Variants in KARS1 observed in about 807,000 individuals in gnomAD.
The protein encoded by KARS1 is lysine--tRNA ligase.
Under a neutral mutation model 63.9 loss-of-function variants are expected in KARS1, and 50 were observed. The observed-to-expected ratio is 0.78, with a 90% CI of 0.62 to 0.99. KARS1 has a LOEUF of 0.99. Among genes scored for constraint, KARS1 ranks in the 50% least tolerant of loss-of-function variants. The pLI is 0.00. For missense variants in KARS1, 816 were observed against 754.5 expected (o/e 1.08, Z -0.95); for synonymous variants, 320 against 264.6 (o/e 1.21, Z -2.03).
Position 75,629,490 on chromosome 16 carries a change from C to T in KARS1, c.1476G>A (p.Lys492=), listed in dbSNP as rs376962917. The change falls in exon 12 of 14, where the codon AAG becomes AAA. Residue 492 remains lysine (K), a synonymous_variant. Coordinates refer to ENST00000302445, the MANE Select transcript of KARS1 (RefSeq NM_005548.3). ...CAGTATACGCATTGCATATCTCTTTCTTCATGACAAACAGCTCAAAGCGCT... is the reference window on the plus strand; with the variant it reads ...CAGTATACGCATTGCATATCTCTTTTTTCATGACAAACAGCTCAAAGCGCT... ...LTERFELFVM[K]KEICNAYTEL... The T allele has an allele frequency of 3.5e-5, 56 of 1,614,084 alleles. No individual in the cohort carries two copies. The highest frequency in any genetic ancestry group is 4.7e-5 in the Non-Finnish European group (55 of 1,180,020).
intron 7 of KARS1, among the ~76,000 whole-genome samples, chr16:75,633,226 T>C (rs1430040855): frequency 6.6e-6 from 1 of 152,076 alleles, no homozygotes; most frequent in Non-Finnish European, 1.5e-5. Context: ...CAAATACACC[T>C]CTCTTGGTGT....
rs111679674 is a variant in KARS1, at chr16:75,627,862, C to T, written c.*33G>A. On this transcript the variant is annotated 3_prime_UTR_variant, in exon 14 of 14. Coordinates refer to ENST00000302445, the MANE Select transcript of KARS1 (RefSeq NM_005548.3). Reference sequence around the variant, plus strand: ...TTGATCTTTCGCAGAAATGCAAAGACGCCTGAGTTATACAACTTGCAATTA... The same window carrying T: ...TTGATCTTTCGCAGAAATGCAAAGATGCCTGAGTTATACAACTTGCAATTA... 9.3e-3 allele frequency: 11,263 copies of T among 1,212,610 alleles called. 101 individuals carry two copies. Among genetic ancestry groups the T allele is most frequent in the Non-Finnish European group, 8.7e-3 (7,112 of 814,092 alleles). 75.1% of individuals were successfully genotyped at this position (1,212,610 alleles called of 1,614,324 possible).
At chr16:75,646,367 C>G (rs1235349937) in intron 1 of KARS1, among the ~76,000 whole-genome samples, 1 of 151,916 alleles carries the variant, frequency 6.6e-6, no homozygotes, top group African/African-American at 2.4e-5. Flanking sequence ...ATGGTGAAAC[C>G]CTGTCTCTAC....
At chr16:75,632,099 A>G (rs1383449931) in intron 7 of KARS1, among the ~76,000 whole-genome samples, 1 of 152,130 alleles carries the variant, frequency 6.6e-6, no homozygotes, top group Admixed American at 6.6e-5. Context: ...TGTATTGGTC[A>G]GGCTGGTCTC....
Position 75,641,566 on chromosome 16 carries a change from T to C in KARS1, c.220A>G (p.Asn74Asp). ...TGCTGGTGGCCCAGGGAACTCACAT[T>C]TGGGTCCACGCTCTCTTCCTCAGGA... The part of the protein sequence containing the change: ...VGPEEESVDP[N>D]QYYKIRSQAI... The change falls in exon 2 of 14, where the codon AAT (asparagine) becomes GAT (aspartate). Residue 74 changes from asparagine (N) to aspartate (D), a missense_variant and splice_region_variant. Coordinates refer to ENST00000302445, the MANE Select transcript of KARS1 (RefSeq NM_005548.3). 1 of 1,613,096 alleles carries C rather than the reference T, an allele frequency of 6.2e-7. No homozygotes were observed. The highest frequency in any genetic ancestry group is 1.1e-5 in the South Asian group (1 of 91,024).
chr16:75,641,530 GT>G, intron 2 of KARS1, 33 bp downstream of exon 2: 1 of 1,602,442 alleles, frequency 6.2e-7, no homozygotes, highest in South Asian at 1.1e-5. Flanking sequence ...AAGCTTTCCT[GT>G]GCCCAACCAT....
intron 1 of KARS1, chr16:75,644,231 T>A: frequency 6.6e-7 from 1 of 1,513,298 alleles, no homozygotes; most frequent in Non-Finnish European, 9.0e-7. Context: ...ATGAACCAAG[T>A]AAGGAAATAA....
chr16:75,629,496 G>T lies in KARS1; in HGVS notation c.1470C>A (p.Val490=). The change falls in exon 12 of 14, where the codon GTC becomes GTA. Residue 490 remains valine, a synonymous_variant. Coordinates refer to ENST00000302445, the MANE Select transcript of KARS1 (RefSeq NM_005548.3). ...EGLTERFELF[V]MKKEICNAYT... is the part of the protein sequence containing the mutation. ...ACGCATTGCATATCTCTTTCTTCAT[G>T]ACAAACAGCTCAAAGCGCTCAGTCA... 1 of 1,614,180 alleles carries T rather than the reference G, an allele frequency of 6.2e-7. No homozygotes were observed. Among genetic ancestry groups the T allele is most frequent in the South Asian group, 1.1e-5 (1 of 91,074 alleles).
In KARS1 at chr16:75,641,706, A is replaced by G. The variant is rs1200547775; in HGVS notation, c.80T>C (p.Leu27Pro). The G allele has an allele frequency of 6.2e-7, 1 of 1,613,912 alleles. No individual in the cohort carries two copies. The highest frequency in any genetic ancestry group is 8.5e-7 in the Non-Finnish European group (1 of 1,180,022). Residue 27 changes from leucine to proline, a missense_variant, in exon 2 of 14, where the codon CTG (leucine) becomes CCG (proline). Transcript: ENST00000302445. ...KLSKNELKRR[L>P]KAEKKVAEKE... ...CTCTGCTACTTTCTTCTCAGCTTTC[A>G]GGCGTCTCTTCAGCTCACTGTTGGA...
intron 11 of KARS1, among the ~76,000 whole-genome samples, chr16:75,629,819 C>T (rs926779160): frequency 1.3e-5 from 2 of 152,082 alleles, no homozygotes; most frequent in Non-Finnish European, 2.9e-5. Flanking sequence ...GTTGGTCTAA[C>T]GATCAAACAT....
intron 7 of KARS1, among the ~76,000 whole-genome samples, chr16:75,633,251 A>G (rs1471536515): frequency 1.3e-5 from 2 of 152,196 alleles, no homozygotes; most frequent in Non-Finnish European, 2.9e-5. Flanking sequence ...GTGATCGGAC[A>G]CTCAGCAGGA....
At chr16:75,642,978 C>T (rs1443846418) in intron 1 of KARS1, 2 of 152,178 alleles carry the variant, frequency 1.3e-5, no homozygotes, top group Non-Finnish European at 2.9e-5. Flanking sequence ...GTATCTTAAC[C>T]CTTTACTCTC....
intron 1 of KARS1, among the ~76,000 whole-genome samples, chr16:75,645,232 C>T (rs754228351): frequency 6.6e-6 from 1 of 152,100 alleles, no homozygotes; most frequent in Non-Finnish European, 1.5e-5. Context: ...CTCATGGTAA[C>T]GAGAGGAATA....
At chr16:75,642,489 A>G (rs2082236984) in intron 1 of KARS1, among the ~76,000 whole-genome samples, 1 of 152,072 alleles carries the variant, frequency 6.6e-6, no homozygotes, top group African/African-American at 2.4e-5. Flanking sequence ...GGTGTGAGCC[A>G]CCTGACCCCT....
rs1485251073 is a variant in KARS1, at chr16:75,628,630, G to A, written c.1634C>T (p.Ala545Val). Residue 545 changes from alanine (A) to valine (V), a missense_variant, in exon 13 of 14, where the codon GCT (alanine) becomes GTT (valine). Physicochemically the swap from Ala to Val is moderately conservative, Grantham distance 64. Coordinates refer to ENST00000302445, the MANE Select transcript of KARS1 (RefSeq NM_005548.3). Reference protein sequence around the residue: ...TALEYGLPPTAGWGMGIDRVA... With the variant: ...TALEYGLPPTVGWGMGIDRVA... ...TCGATCAATGCCCATGCCCCAGCCA[G>A]CTGTGGGGGGCAGCCCATATTCCAG... The A allele has an allele frequency of 6.2e-7, 1 of 1,614,070 alleles. No homozygotes were observed. The highest frequency in any genetic ancestry group is 8.5e-7 in the Non-Finnish European group (1 of 1,180,044).
chr16:75,644,256 G>C (rs777476707), intron 1 of KARS1: 24 of 1,572,166 alleles, frequency 1.5e-5, no homozygotes, highest in Non-Finnish European at 1.9e-5. Context: ...TGCTTCCAGA[G>C]CAATAAAGAA....
At chr16:75,631,974 G>C in intron 7 of KARS1, 119 bp from the exon 8 acceptor site, 1 of 1,186,876 alleles carries the variant, frequency 8.4e-7, no homozygotes, top group Non-Finnish European at 1.2e-6. Flanking sequence ...CGCAACCTCC[G>C]CCTCCTAGGT....
chr16:75,640,627 T>G (rs1195165326), intron 2 of KARS1, among the ~76,000 whole-genome samples: 2 of 152,228 alleles, frequency 1.3e-5, no homozygotes, highest in Non-Finnish European at 2.9e-5. Flanking sequence ...TTGGTACAGG[T>G]GGCCTTGTTG....
chr16:75,640,111 C>A, intron 3 of KARS1, 73 bp downstream of exon 3: 1 of 1,320,318 alleles, frequency 7.6e-7, no homozygotes, highest in Non-Finnish European at 1.1e-6. Context: ...CAACCCAGAC[C>A]TTCCCTTGTG....
Sources: gnomAD v4.1 joint callset for allele counts (sites outside exome capture counted in the v4.1 genomes callset) on GRCh38, gnomAD v4.1.1 for gene constraint, MANE v1.5 for transcripts, NCBI Gene and HGNC (gene_info 2026-07-23, HGNC 2026-07-21) for gene names.